The following MYOCD variants were observed in gnomAD, a reference collection of about 807,000 sequenced individuals.
MYOCD encodes myocardin.
A neutral mutation model predicts 96.1 loss-of-function variants in MYOCD; 32 were observed. That is an observed-to-expected ratio of 0.33 (90% CI 0.25 to 0.45). MYOCD has a LOEUF of 0.45. Among genes scored for constraint, MYOCD ranks in the 20% least tolerant of loss-of-function variants. The pLI is 1.00. For missense variants in MYOCD, 1,133 were observed against 1,200.6 expected (o/e 0.94, Z 0.83); for synonymous variants, 469 against 469.0 (o/e 1.00, Z 0.00).
At chr17:12,720,160 C>T (rs1202260383) in intron 4 of MYOCD, 2 of 151,572 alleles carry the variant, frequency 1.3e-5, no homozygotes, top group African/African-American at 2.4e-5. Context: ...AAGTGGAGGC[C>T]GTATTTGCAT....
Position 12,666,129 on chromosome 17 carries a change from G to A in MYOCD, c.-60G>A, listed in dbSNP as rs1909362240. 2.9e-6 allele frequency: 4 copies of A among 1,357,270 alleles called. No homozygotes were observed. Among genetic ancestry groups the A allele is most frequent in the Non-Finnish European group, 4.2e-6 (4 of 949,002 alleles). The allele number at this position is 1,357,270 out of a possible 1,614,324, so 84.1% of individuals were successfully genotyped here. A position where few individuals can be genotyped will look rare whatever the true frequency, so the allele number is the denominator to read the frequency against. ...CGGTCAGCTGGGCTCCCGGGAGCCTGTTGCTGGTGGAGAACAGGGGGCGCC... is the reference window on the plus strand; with the variant it reads ...CGGTCAGCTGGGCTCCCGGGAGCCTATTGCTGGTGGAGAACAGGGGGCGCC... On this transcript the variant is annotated 5_prime_UTR_variant, in exon 1 of 14. Coordinates refer to ENST00000425538, the MANE Select transcript of MYOCD (RefSeq NM_001146312.3).
intron 1 of MYOCD, among the ~76,000 whole-genome samples, chr17:12,686,600 A>C (rs946930668): frequency 6.6e-6 from 1 of 152,230 alleles, no homozygotes; most frequent in South Asian, 2.1e-4. Context: ...GGCTTATCGT[A>C]TCTGCAAAAC....
intron 9 of MYOCD, among the ~76,000 whole-genome samples, chr17:12,749,719 G>GTATATATATA (rs1179537467): frequency 4.2e-3 from 32 of 7,690 alleles, no homozygotes; most frequent in South Asian, 8.6e-3. Context: ...GTATATATAT[G>GTATATATATA]TGTGTGTGTA....
At chr17:12,758,374 A>T (rs2033073415) in intron 12 of MYOCD, 161 bp downstream of exon 12, 1 of 1,102,632 alleles carries the variant, frequency 9.1e-7, no homozygotes, top group East Asian at 2.6e-5. Flanking sequence ...ATTGGAAAAC[A>T]GTGTTGCATG....
Position 12,722,609 on chromosome 17 carries a change from G to A in MYOCD, c.254-238G>A, listed in dbSNP as rs10521200. Reference sequence around the variant, plus strand: ...ATCTCCAAATTGTACATTTTTTCACGAATCCTCGCAAAGCAAGCTTCTCTA... The same window carrying A: ...ATCTCCAAATTGTACATTTTTTCACAAATCCTCGCAAAGCAAGCTTCTCTA... On this transcript the variant is annotated intron_variant, in intron 4 of 13. Coordinates refer to ENST00000425538, the MANE Select transcript of MYOCD (RefSeq NM_001146312.3). 0.051 allele frequency among the ~76,000 whole-genome samples: 7,703 copies of A among 152,128 alleles called. 305 individuals carry two copies. Among genetic ancestry groups the A allele is most frequent in the Admixed American group, 0.13 (1,938 of 15,272 alleles).
chr17:12,699,669 T>G (rs748324385), intron 1 of MYOCD, among the ~76,000 whole-genome samples: 10 of 152,180 alleles, frequency 6.6e-5, no homozygotes, highest in Non-Finnish European at 1.2e-4. Flanking sequence ...AACATAACTC[T>G]GATACATGTT....
Position 12,680,983 on chromosome 17 carries a change from C to G in MYOCD, c.55+14740C>G, listed in dbSNP as rs76578590. ...CGTGTGCTAACTAATTTAATCCTTA[C>G]AGCAATCCTGTAAGGAGGTACTGTT... On this transcript the variant is annotated intron_variant, in intron 1 of 13. Transcript: ENST00000425538. 5.4e-3 allele frequency among the ~76,000 whole-genome samples: 815 copies of G among 152,278 alleles called. 10 individuals are homozygous for G. The highest frequency in any genetic ancestry group is 0.019 in the African/African-American group (773 of 41,548).
intron 2 of MYOCD, 54 bp from the exon 3 acceptor site, chr17:12,715,465 C>G: frequency 6.6e-7 from 1 of 1,520,048 alleles, no homozygotes; most frequent in Non-Finnish European, 9.1e-7. Flanking sequence ...CTCTGCGATA[C>G]AGACCAATGC....
Position 12,746,000 on chromosome 17 carries a change from C to T in MYOCD, c.1053C>T (p.Asn351=), listed in dbSNP as rs1403478462. The change falls in exon 9 of 14, where the codon AAC becomes AAT. Residue 351 remains asparagine (N), a synonymous_variant. Transcript: ENST00000425538. ...ATACCCCCTTGTCTCCTGTCAAAAACAGTTTTTCTGGACAAACTGGTGTCT... is the reference window on the plus strand; with the variant it reads ...ATACCCCCTTGTCTCCTGTCAAAAATAGTTTTTCTGGACAAACTGGTGTCT... ...LSNTPLSPVK[N]SFSGQTGVSS... The T allele has an allele frequency of 6.2e-7, 1 of 1,614,220 alleles. No homozygotes were observed. Among genetic ancestry groups the T allele is most frequent in the African/African-American group, 1.3e-5 (1 of 75,072 alleles).
intron 13 of MYOCD, 92 bp from the exon 14 acceptor site, chr17:12,762,981 G>T (rs1033807934): frequency 3.9e-5 from 42 of 1,078,488 alleles, no homozygotes; most frequent in Non-Finnish European, 5.0e-5. Context: ...GGGAAGCGTG[G>T]CCATCTTCTG....
intron 1 of MYOCD, among the ~76,000 whole-genome samples, chr17:12,700,949 A>G (rs563265217): frequency 2.9e-4 from 44 of 152,286 alleles, no homozygotes; most frequent in South Asian, 6.2e-4. Flanking sequence ...CTATGATTTA[A>G]TAAACATATT....
intron 1 of MYOCD, among the ~76,000 whole-genome samples, chr17:12,698,757 T>C (rs1025728615): frequency 7.8e-6 from 1 of 128,122 alleles, no homozygotes; most frequent in African/African-American, 3.0e-5. Context: ...TTTTTTTTTT[T>C]TGTGAGACAG....
chr17:12,724,963 G>T (rs982689087), intron 5 of MYOCD, among the ~76,000 whole-genome samples: 1 of 152,038 alleles, frequency 6.6e-6, no homozygotes, highest in African/African-American at 2.4e-5. Flanking sequence ...TTAATTTATG[G>T]TGAATTCATG....
chr17:12,749,049 TTG>T (rs1205015442), intron 9 of MYOCD, among the ~76,000 whole-genome samples: 2 of 152,188 alleles, frequency 1.3e-5, no homozygotes, highest in Non-Finnish European at 2.9e-5. Context: ...TTTAAAATAA[TTG>T]TCTTGAAAAA....
intron 1 of MYOCD, among the ~76,000 whole-genome samples, chr17:12,692,963 A>T (rs1191925234): frequency 6.6e-6 from 1 of 152,182 alleles, no homozygotes; most frequent in African/African-American, 2.4e-5. Flanking sequence ...CTCTGGTCGC[A>T]GCTCCCGTGT....
chr17:12,677,797 TATAAG>T (rs925223155), intron 1 of MYOCD, among the ~76,000 whole-genome samples: 15 of 152,214 alleles, frequency 9.9e-5, no homozygotes, highest in Middle Eastern at 3.4e-3. Context: ...TTTATGTTAT[TATAAG>T]ATATCATATT....
chr17:12,709,363 C>T (rs943780892), intron 2 of MYOCD, among the ~76,000 whole-genome samples: 2 of 152,170 alleles, frequency 1.3e-5, no homozygotes, highest in Non-Finnish European at 2.9e-5. Context: ...TATGTGTGGG[C>T]ATTATGAGTT....
At chr17:12,738,011 C>T (rs1014162021) in intron 6 of MYOCD, among the ~76,000 whole-genome samples, 1 of 152,190 alleles carries the variant, frequency 6.6e-6, no homozygotes, top group African/African-American at 2.4e-5. Flanking sequence ...TAACATCAAA[C>T]GGTGTATCAG....
At chr17:12,690,214 A>G (rs1461824820) in intron 1 of MYOCD, among the ~76,000 whole-genome samples, 2 of 151,816 alleles carry the variant, frequency 1.3e-5, no homozygotes, top group African/African-American at 4.8e-5. Context: ...GAATGTTATC[A>G]GACAGTTTGC....
Sources: gnomAD v4.1 joint callset for allele counts (sites outside exome capture counted in the v4.1 genomes callset) on GRCh38, gnomAD v4.1.1 for gene constraint, MANE v1.5 for transcripts, NCBI Gene and HGNC (gene_info 2026-07-23, HGNC 2026-07-21) for gene names.